The following RORA variants were observed in gnomAD, a reference collection of about 807,000 sequenced individuals.
RORA encodes nuclear receptor ROR-alpha.
Under a neutral mutation model 69.5 loss-of-function variants are expected in RORA, and 7 were observed. The observed-to-expected ratio is 0.10, with a 90% CI of 0.06 to 0.19. RORA has a LOEUF of 0.19. RORA is among the 10% of genes least tolerant of loss of function. The probability of loss-of-function intolerance (pLI) is 1.00; values close to 1 mark genes in which losing one functional copy is unlikely to be tolerated. For missense variants in RORA, 457 were observed against 663.0 expected, an observed-to-expected ratio of 0.69 and a Z score of 3.41; for synonymous variants, 261 against 240.8, an observed-to-expected ratio of 1.08 and a Z score of -0.78.
chr15:60,546,729 G>A (rs1488915405), intron 2 of RORA, among the ~76,000 whole-genome samples: 1 of 152,180 alleles, frequency 6.6e-6, no homozygotes, highest in Non-Finnish European at 1.5e-5. Context: ...ACAGAGGTTT[G>A]CTGAGCCTGG....
chr15:60,975,832 C>A (rs1893858966), intron 1 of RORA, among the ~76,000 whole-genome samples: 1 of 152,232 alleles, frequency 6.6e-6, no homozygotes, highest in South Asian at 2.1e-4. Flanking sequence ...TTCACAGCCA[C>A]CAACACTAAA....
Position 61,216,697 on chromosome 15 carries a change from A to C in RORA, c.166+12356T>G, listed in dbSNP as rs2080043833. ...GGGAGACAGGGAAAAGGGAAGGAAG[A>C]AGCCAGACAGGTATGGGAGGTAACG... On this transcript the variant is annotated intron_variant, in intron 1 of 10. Transcript: ENST00000335670. Among the ~76,000 whole-genome samples the C allele has an allele frequency of 3.3e-5, 5 of 152,054 alleles. No individual in the cohort carries two copies. In the South Asian group the frequency reaches 1.0e-3, roughly 32 times the overall value.
At chr15:60,793,824 A>T (rs2072451637) in intron 1 of RORA, among the ~76,000 whole-genome samples, 1 of 152,114 alleles carries the variant, frequency 6.6e-6, no homozygotes, top group Non-Finnish European at 1.5e-5. Context: ...AAATCCTGGG[A>T]GGCTGCCCTG....
chr15:60,900,122 C>A (rs1891346087), intron 1 of RORA, among the ~76,000 whole-genome samples: 1 of 152,190 alleles, frequency 6.6e-6, no homozygotes, highest in Non-Finnish European at 1.5e-5. Context: ...ATACAACTGG[C>A]ATCATTTGGC....
chr15:60,806,134 G>C lies in RORA; in HGVS notation c.167-127448C>G, dbSNP rs146792622. ...TGAAATTCTTCCTTTCAGTAGAAAA[G>C]TCAGATCTGTCAGGAGGAGAATAAC... On this transcript the variant is annotated intron_variant, in intron 1 of 10. Coordinates refer to ENST00000335670, the MANE Select transcript of RORA (RefSeq NM_134261.3). Among the ~76,000 whole-genome samples the C allele has an allele frequency of 3.1e-3, 471 of 152,184 alleles. 2 individuals are homozygous for C. Among genetic ancestry groups the C allele is most frequent in the African/African-American group, 0.011 (444 of 41,502 alleles).
At chr15:60,788,444 A>T (rs1032734063) in intron 1 of RORA, among the ~76,000 whole-genome samples, 3 of 152,254 alleles carry the variant, frequency 2.0e-5, no homozygotes, top group South Asian at 4.2e-4. Flanking sequence ...AAGGGTTCCA[A>T]ACTCCCCTCG....
At chr15:61,146,169 G>C (rs2079345964) in intron 1 of RORA, among the ~76,000 whole-genome samples, 1 of 152,084 alleles carries the variant, frequency 6.6e-6, no homozygotes, top group Non-Finnish European at 1.5e-5. Flanking sequence ...AATATGTCGA[G>C]GATTTTTCCC....
chr15:61,078,820 T>C (rs2078493880), intron 1 of RORA, among the ~76,000 whole-genome samples: 1 of 152,050 alleles, frequency 6.6e-6, no homozygotes, highest in Non-Finnish European at 1.5e-5. Flanking sequence ...CCTACCTACC[T>C]GCCTACCTAT....
chr15:60,646,855 T>G (rs575528292), intron 2 of RORA, among the ~76,000 whole-genome samples: 2 of 152,300 alleles, frequency 1.3e-5, no homozygotes, highest in South Asian at 4.1e-4. Flanking sequence ...GGGACTCCGT[T>G]TCCTCACCCA....
intron 2 of RORA, among the ~76,000 whole-genome samples, chr15:60,635,377 A>G (rs556204880): frequency 6.6e-6 from 1 of 152,286 alleles, no homozygotes; most frequent in East Asian, 1.9e-4. Context: ...AAAGGGGGAG[A>G]ACTAAATGCA....
At chr15:60,672,950 C>G (rs1325485647) in intron 2 of RORA, among the ~76,000 whole-genome samples, 1 of 152,130 alleles carries the variant, frequency 6.6e-6, no homozygotes, top group African/African-American at 2.4e-5. Flanking sequence ...AAAAATCAAT[C>G]TAATCATGTC....
At chr15:60,636,238 G>C (rs1050685436) in intron 2 of RORA, among the ~76,000 whole-genome samples, 1 of 152,160 alleles carries the variant, frequency 6.6e-6, no homozygotes, top group Admixed American at 6.5e-5. Flanking sequence ...CCCAGGCTTG[G>C]AAGACAGGTG....
intron 1 of RORA, among the ~76,000 whole-genome samples, chr15:61,209,255 T>C (rs2079968421): frequency 9.1e-6 from 1 of 109,916 alleles, no homozygotes; most frequent in Non-Finnish European, 2.0e-5. Flanking sequence ...TGAAGGAACT[T>C]GTTGTTGAAT....
intron 2 of RORA, among the ~76,000 whole-genome samples, chr15:60,603,611 T>C (rs2068870679): frequency 6.6e-6 from 1 of 152,242 alleles, no homozygotes; most frequent in African/African-American, 2.4e-5. Context: ...CCTAACTTTG[T>C]TTTATGTGTG....
chr15:60,594,498 C>G (rs12913341), intron 2 of RORA, among the ~76,000 whole-genome samples: 12,756 of 152,270 alleles, frequency 0.084, 653 homozygotes, highest in Non-Finnish European at 0.12. Context: ...ATATACAACT[C>G]GGATGATTCA....
chr15:61,060,794 T>A lies in RORA; in HGVS notation c.166+168259A>T, dbSNP rs1030953522. ...TCCCTGTACCCCACTGGAAGAAGAA[T>A]TGTCTTGGGCCACACATAAAATACA... On this transcript the variant is annotated intron_variant, in intron 1 of 10. Coordinates refer to ENST00000335670, the MANE Select transcript of RORA (RefSeq NM_134261.3). 3.3e-5 allele frequency among the ~76,000 whole-genome samples: 5 copies of A among 152,076 alleles called. No homozygotes were observed. The East Asian group carries it at 9.6e-4, about 29-fold the overall frequency.
chr15:61,227,582 G>T (rs1596087073), intron 1 of RORA, among the ~76,000 whole-genome samples: 1 of 152,084 alleles, frequency 6.6e-6, no homozygotes, highest in African/African-American at 2.4e-5. Flanking sequence ...TAAGGTGGGG[G>T]GGGGGATACT....
In RORA at chr15:60,996,613, C is replaced by A. The variant is rs141015174; in HGVS notation, c.166+232440G>T. Among the ~76,000 whole-genome samples, 277 of 152,158 alleles carry A rather than the reference C, an allele frequency of 1.8e-3. 3 individuals are homozygous for A. Among genetic ancestry groups the A allele is most frequent in the Middle Eastern group, 0.014 (4 of 294 alleles). ...CATATCATCAGTTACCCTTTAAATA[C>A]AATATAATATCTTCAGGCCGGGCAC... is the stretch of plus-strand genomic sequence containing the variant. On this transcript the variant is annotated intron_variant, in intron 1 of 10. Coordinates refer to ENST00000335670, the MANE Select transcript of RORA (RefSeq NM_134261.3).
In RORA at chr15:60,516,027, ATT is replaced by A. The variant is rs1464367549; in HGVS notation, c.283-1272_283-1271del. ...TATATATATTTATATATATTTATAT[ATT>A]TATATATATTTATATATTTATATAT... On this transcript the variant is annotated intron_variant, in intron 3 of 10. Coordinates refer to ENST00000335670, the MANE Select transcript of RORA (RefSeq NM_134261.3). Among the ~76,000 whole-genome samples the A allele has an allele frequency of 1.0e-3, 12 of 11,796 alleles. 1 individual carries two copies. Among genetic ancestry groups the A allele is most frequent in the East Asian group, 0.011 (2 of 182 alleles). The allele number at this position is 11,796 out of a possible 152,430, so 7.7% of individuals were successfully genotyped here.
Sources: allele counts gnomAD v4.1 joint callset (sites outside exome capture counted in the v4.1 genomes callset), GRCh38; gene constraint gnomAD v4.1.1; transcripts MANE v1.5; gene names NCBI Gene and HGNC (gene_info 2026-07-23, HGNC 2026-07-21).